SMARCC1: variants seen among roughly 807,000 people sequenced by gnomAD.
The protein encoded by SMARCC1 is SWI/SNF related BAF chromatin remodeling complex subunit C1, also known as SWI/SNF complex subunit SMARCC1.
A neutral mutation model predicts 147.4 loss-of-function variants in SMARCC1; 43 were observed. The observed-to-expected ratio is 0.29, with a 90% CI of 0.23 to 0.38. The LOEUF is 0.38. SMARCC1 is among the 10% of genes least tolerant of loss of function. The pLI, the probability that SMARCC1 is intolerant of heterozygous loss-of-function variation, is 1.00. For synonymous variants in SMARCC1, 495 were observed against 484.4 expected (o/e 1.02, Z -0.29); for missense variants, 1,119 against 1,381.1 (o/e 0.81, Z 3.01).
At position 47,670,673 on chromosome 3, in the gene SMARCC1, G is replaced by A; in HGVS notation, c.1884C>T (p.Thr628=). 1 of 1,582,618 alleles carries A rather than the reference G, an allele frequency of 6.3e-7. No individual in the cohort carries two copies. Among genetic ancestry groups the A allele is most frequent in the South Asian group, 1.1e-5 (1 of 90,560 alleles). ...ATCTGCTTACCTCCAGGAGTAGAAG[G>A]GTCTCCTGTTCAGTCCATTCTCTTC... ...SAGREWTEQE[T]LLLLEALEMY... is the part of the protein sequence containing the mutation. The change falls in exon 19 of 28, where the codon ACC becomes ACT. Residue 628 remains threonine, a synonymous_variant. Transcript: ENST00000254480.
chr3:47,670,712 T>C lies in SMARCC1; in HGVS notation c.1845A>G (p.Lys615=), dbSNP rs1141601. Reference sequence around the variant, plus strand: ...TCCATTCTCTTCCAGCACTAGCACCTTTACTCTAAGGAAACAAAATCAGAA... The same window carrying C: ...TCCATTCTCTTCCAGCACTAGCACCCTTACTCTAAGGAAACAAAATCAGAA... ...IYSKKTLAKS[K]GASAGREWTE... The change falls in exon 19 of 28, where the codon AAA becomes AAG. Residue 615 remains lysine (K), a synonymous_variant. Coordinates refer to ENST00000254480, the MANE Select transcript of SMARCC1 (RefSeq NM_003074.4). The C allele has an allele frequency of 0.27, 427,711 of 1,573,576 alleles. 62,750 individuals carry two copies. The highest frequency in any genetic ancestry group is 0.35 in the Admixed American group (21,007 of 59,876).
chr3:47,752,792 A>C (rs576509388), intron 2 of SMARCC1, among the ~76,000 whole-genome samples: 5 of 152,188 alleles, frequency 3.3e-5, no homozygotes, highest in Non-Finnish European at 5.9e-5. Context: ...CAAAAACTGA[A>C]ATTTCTAGAG....
chr3:47,627,712 G>A (rs889573914), intron 24 of SMARCC1, among the ~76,000 whole-genome samples: 6 of 152,064 alleles, frequency 3.9e-5, no homozygotes, highest in Non-Finnish European at 7.4e-5. Context: ...AGACATGAGG[G>A]CCTCTAAGCA....
At chr3:47,642,009 A>G (rs2033054276) in intron 21 of SMARCC1, among the ~76,000 whole-genome samples, 1 of 152,152 alleles carries the variant, frequency 6.6e-6, no homozygotes, top group Non-Finnish European at 1.5e-5. Flanking sequence ...CCTAGCCCTA[A>G]GCGATCCAAT....
chr3:47,682,653 GAAC>G (rs989384754), intron 14 of SMARCC1, among the ~76,000 whole-genome samples: 7 of 152,008 alleles, frequency 4.6e-5, no homozygotes, highest in African/African-American at 1.2e-4. Flanking sequence ...AATTTTAACA[GAAC>G]AACTCACTAT....
At chr3:47,647,726 A>ACGTC (rs1446666564) in intron 21 of SMARCC1, among the ~76,000 whole-genome samples, 1 of 152,206 alleles carries the variant, frequency 6.6e-6, no homozygotes, top group African/African-American at 2.4e-5. Flanking sequence ...GAGACTAATC[A>ACGTC]CGTCATTCCC....
At chr3:47,750,269 T>C (rs1370862642) in intron 2 of SMARCC1, among the ~76,000 whole-genome samples, 1 of 151,994 alleles carries the variant, frequency 6.6e-6, no homozygotes, top group East Asian at 1.9e-4. Context: ...ACCATGTCTC[T>C]ACTAAAAATA....
intron 2 of SMARCC1, among the ~76,000 whole-genome samples, chr3:47,756,832 T>C (rs1257524855): frequency 6.6e-6 from 1 of 152,138 alleles, no homozygotes; most frequent in Non-Finnish European, 1.5e-5. Context: ...TTTCCTGCTG[T>C]ATATGACAAG....
chr3:47,776,634 T>G (rs986610616), intron 1 of SMARCC1, among the ~76,000 whole-genome samples: 1 of 152,044 alleles, frequency 6.6e-6, no homozygotes, highest in South Asian at 2.1e-4. Flanking sequence ...TTTTACAGAT[T>G]AACTAAACAA....
Position 47,710,788 on chromosome 3 carries a change from C to A in SMARCC1, c.813G>T (p.Leu271Phe). ...KPWKVHVKWI[L>F]DTDIFNEWMN... is the part of the protein sequence containing the mutation. The stretch of plus-strand genomic sequence containing the variant: ...TCCATTCATTGAAAATATCAGTGTC[C>A]AAAATCCATTTCACATGAACCTAAA... The change falls in exon 9 of 28, where the codon TTG (leucine) becomes TTT (phenylalanine). Residue 271 changes from leucine (L) to phenylalanine (F), a missense_variant. Coordinates refer to ENST00000254480, the MANE Select transcript of SMARCC1 (RefSeq NM_003074.4). 1 of 1,611,186 alleles carries A rather than the reference C, an allele frequency of 6.2e-7. No individual in the cohort carries two copies. The highest frequency in any genetic ancestry group is 1.1e-5 in the South Asian group (1 of 90,586).
intron 2 of SMARCC1, among the ~76,000 whole-genome samples, chr3:47,757,032 C>T (rs1055268507): frequency 3.9e-5 from 6 of 152,026 alleles, no homozygotes; most frequent in Non-Finnish European, 8.8e-5. Flanking sequence ...GGGAGAATCA[C>T]TTGAGCCCAG....
chr3:47,646,677 C>A (rs7621236), intron 21 of SMARCC1, among the ~76,000 whole-genome samples: 90,402 of 151,994 alleles, frequency 0.59, 28,154 homozygotes, highest in East Asian at 0.72. Flanking sequence ...TGGCAGGAAC[C>A]ACCCTCCATT....
rs1224846327 is a variant in SMARCC1, at chr3:47,781,726, T to G, written c.72A>C (p.Ala24=). Reference sequence around the variant, plus strand: ...GTCGATAAACAGCTAGGCCTGCGGCTGCCGCCGCAATCCCCGAGCCCGTGG... The same window carrying G: ...GTCGATAAACAGCTAGGCCTGCGGCGGCCGCCGCAATCCCCGAGCCCGTGG... ...VGATGSGIAA[A]AAGLAVYRRK... Residue 24 remains alanine (A), a synonymous_variant, in exon 1 of 28, where the codon GCA becomes GCC. Transcript: ENST00000254480. The G allele has an allele frequency of 1.3e-6, 2 of 1,552,076 alleles. No individual in the cohort carries two copies. The highest frequency in any genetic ancestry group is 1.7e-6 in the Non-Finnish European group (2 of 1,154,228).
chr3:47,774,150 C>T (rs1254532695), intron 1 of SMARCC1, among the ~76,000 whole-genome samples: 1 of 151,460 alleles, frequency 6.6e-6, no homozygotes, highest in Non-Finnish European at 1.5e-5. Context: ...GCAAAGTCTA[C>T]AATTATTATG....
chr3:47,654,251 C>T (rs2033229329), intron 21 of SMARCC1, among the ~76,000 whole-genome samples: 1 of 152,140 alleles, frequency 6.6e-6, no homozygotes, highest in South Asian at 2.1e-4. Flanking sequence ...ATACCAAAAA[C>T]ATTTAGGAAA....
intron 1 of SMARCC1, among the ~76,000 whole-genome samples, chr3:47,775,424 T>C (rs1004425992): frequency 9.4e-5 from 14 of 148,282 alleles, no homozygotes; most frequent in Admixed American, 9.3e-4. Context: ...CCTCCCAAAG[T>C]GCTGGGATTA....
intron 18 of SMARCC1, among the ~76,000 whole-genome samples, chr3:47,671,138 T>C (rs1335967049): frequency 8.7e-6 from 1 of 114,562 alleles, no homozygotes; most frequent in Non-Finnish European, 1.6e-5. Flanking sequence ...ACCGCACCAT[T>C]GCACTCCAGC....
intron 12 of SMARCC1, among the ~76,000 whole-genome samples, chr3:47,692,617 A>G (rs2106776827): frequency 6.6e-6 from 1 of 152,350 alleles, no homozygotes; most frequent in South Asian, 2.1e-4. Context: ...GAATGGCAAC[A>G]ATGGATCACA....
intron 21 of SMARCC1, among the ~76,000 whole-genome samples, chr3:47,652,063 G>A (rs74628676): frequency 0.013 from 1,909 of 151,910 alleles, 44 homozygotes; most frequent in African/African-American, 0.043. Context: ...TCTGTAGCTT[G>A]GGCTCAGGTG....
Sources: allele counts gnomAD v4.1 joint callset (sites outside exome capture counted in the v4.1 genomes callset), GRCh38; gene constraint gnomAD v4.1.1; transcripts MANE v1.5; gene names NCBI Gene and HGNC (gene_info 2026-07-23, HGNC 2026-07-21).